CELF2: variants seen among roughly 807,000 people sequenced by gnomAD.
The protein encoded by CELF2 is CUG triplet repeat RNA-binding protein 2.
CELF2 carries 8 observed loss-of-function variants against 62.6 expected under a neutral mutation model. The ratio of observed to expected loss-of-function variants is 0.13; its 90% CI spans 0.07 to 0.23. The LOEUF is 0.23. CELF2 is among the 10% of genes least tolerant of loss of function. The pLI, the probability that CELF2 is intolerant of heterozygous loss-of-function variation, is 1.00. For missense variants in CELF2, 333 were observed against 671.0 expected (o/e 0.50, Z 5.56); for synonymous variants, 258 against 250.0 (o/e 1.03, Z -0.30).
the CELF2 span, among the ~76,000 whole-genome samples, chr10:10,683,541 T>C: frequency 6.6e-6 from 1 of 152,202 alleles, no homozygotes; most frequent in African/African-American, 2.4e-5. Context: ...GATTTCTGAT[T>C]ACAGACAGGC....
chr10:10,825,452 T>C (rs917158346), intron 1 of CELF2, among the ~76,000 whole-genome samples: 1 of 152,066 alleles, frequency 6.6e-6, no homozygotes, highest in Non-Finnish European at 1.5e-5. Flanking sequence ...CCTTGTGATC[T>C]GTCCACCTCG....
chr10:10,525,229 T>C, the CELF2 span, among the ~76,000 whole-genome samples: 1 of 152,178 alleles, frequency 6.6e-6, no homozygotes, highest in Middle Eastern at 3.2e-3. Context: ...AGCTCCACAG[T>C]TCATTCTTCC....
chr10:11,306,078 A>C lies in CELF2; in HGVS notation c.977-8061A>C, dbSNP rs780366146. ...TGATTGATAGGTTTTAACCAGTGGT[A>C]CAACAGGCTTAAAATGTGACGTATC... On this transcript the variant is annotated intron_variant, in intron 9 of 12. Coordinates refer to ENST00000633077, the MANE Select transcript of CELF2 (RefSeq NM_001326342.2). This position sits in a 1 kb window ranked among gnomAD's most constrained non-coding sequence, Gnocchi z 4.4. Among the ~76,000 whole-genome samples the C allele has an allele frequency of 8.5e-5, 13 of 152,210 alleles. No homozygotes were observed. The highest frequency in any genetic ancestry group is 1.5e-4 in the Non-Finnish European group (10 of 68,042).
Position 11,244,701 on chromosome 10 carries a change from C to T in CELF2, c.355-4452C>T, listed in dbSNP as rs530015792. 6.6e-6 allele frequency among the ~76,000 whole-genome samples: 1 copy of T among 151,832 alleles called. No individual in the cohort carries two copies. Among genetic ancestry groups the T allele is most frequent in the East Asian group, 1.9e-4 (1 of 5,170 alleles). Reference sequence around the variant, plus strand: ...ATAAAAACAACAACAACTTCCGTTGCTTCCTCTGTTGGTTAGGATATCGTA... The same window carrying T: ...ATAAAAACAACAACAACTTCCGTTGTTTCCTCTGTTGGTTAGGATATCGTA... On this transcript the variant is annotated intron_variant, in intron 3 of 12. Transcript: ENST00000633077. The surrounding 1 kb of genome is among the most constrained non-coding windows in gnomAD (Gnocchi z 4.2).
the CELF2 span, among the ~76,000 whole-genome samples, chr10:10,547,804 G>A: frequency 1.2e-4 from 18 of 151,528 alleles, no homozygotes; most frequent in African/African-American, 4.4e-4. Context: ...GTATCGGGCT[G>A]GTTTTTATTC....
At chr10:11,049,558 TAAAAAAAAAAA>T (rs368708381) in intron 1 of CELF2, among the ~76,000 whole-genome samples, 2 of 96,898 alleles carry the variant, frequency 2.1e-5, no homozygotes, top group Non-Finnish European at 4.0e-5. Flanking sequence ...CTTTCTTTAG[TAAAAAAAAAAA>T]AAAAAAAAAA....
the CELF2 span, among the ~76,000 whole-genome samples, chr10:10,663,202 G>A: frequency 6.6e-6 from 1 of 152,174 alleles, no homozygotes. Context: ...ATATTGTGAG[G>A]AGGAACTTGC....
chr10:10,708,991 G>T, the CELF2 span, among the ~76,000 whole-genome samples: 1 of 152,086 alleles, frequency 6.6e-6, no homozygotes, highest in Non-Finnish European at 1.5e-5. Flanking sequence ...TCTGGCCTGT[G>T]GTCTTTAAGC....
the CELF2 span, among the ~76,000 whole-genome samples, chr10:10,560,602 C>G: frequency 1.3e-5 from 2 of 152,078 alleles, no homozygotes; most frequent in African/African-American, 4.8e-5. Flanking sequence ...CTATGGAAAA[C>G]AGTATGGAGA....
the CELF2 span, among the ~76,000 whole-genome samples, chr10:10,563,647 A>T: frequency 6.7e-6 from 1 of 148,976 alleles, no homozygotes; most frequent in Non-Finnish European, 1.5e-5. Flanking sequence ...GAAGATAGAG[A>T]TTCTAAGAAA....
At position 10,845,723 on chromosome 10, in the gene CELF2, G is replaced by C. The variant is rs532189457; in HGVS notation, c.53+46906G>C. ...TGTATCAGTTATACAGAAAAAATAA[G>C]TTTCATAACCAAACTGTTGTACATG... On this transcript the variant is annotated intron_variant, in intron 1 of 13. Coordinates refer to the CELF2 transcript ENST00000636488. Among the ~76,000 whole-genome samples, 9 of 152,218 alleles carry C rather than the reference G, an allele frequency of 5.9e-5. 1 individual carries two copies. In the South Asian group the frequency reaches 1.9e-3, roughly 32 times the overall value.
intron 10 of CELF2, chr10:11,320,875 T>A: frequency 6.5e-7 from 1 of 1,546,382 alleles, no homozygotes; most frequent in Non-Finnish European, 8.7e-7. Context: ...AGCAAAAGGC[T>A]TTTACTTCCA....
the CELF2 span, among the ~76,000 whole-genome samples, chr10:10,718,838 T>C: frequency 1.3e-5 from 2 of 152,100 alleles, no homozygotes; most frequent in Admixed American, 6.6e-5. Context: ...GATTATTCTC[T>C]ATACCAATTC....
chr10:10,474,970 C>A, the CELF2 span, among the ~76,000 whole-genome samples: 1 of 152,034 alleles, frequency 6.6e-6, no homozygotes, highest in Non-Finnish European at 1.5e-5. Context: ...GTTCTTAACA[C>A]AGAGGTCAAT....
intron 1 of CELF2, among the ~76,000 whole-genome samples, chr10:11,091,529 A>G (rs1053802515): frequency 3.3e-5 from 5 of 152,166 alleles, no homozygotes; most frequent in Non-Finnish European, 7.3e-5. Flanking sequence ...CTCATTTTTT[A>G]AAGACAGGGT....
intron 4 of CELF2, among the ~76,000 whole-genome samples, chr10:11,250,085 T>G (rs1450035629): frequency 2.0e-5 from 3 of 152,230 alleles, no homozygotes; most frequent in Admixed American, 2.0e-4. Flanking sequence ...GCTCTAAATC[T>G]CTCCACAAGG....
chr10:10,632,261 T>C, the CELF2 span, among the ~76,000 whole-genome samples: 2 of 151,878 alleles, frequency 1.3e-5, no homozygotes, highest in Non-Finnish European at 1.5e-5. Flanking sequence ...ATGCAAAGAG[T>C]TGGGGAGCCA....
the CELF2 span, among the ~76,000 whole-genome samples, chr10:10,511,621 T>C: frequency 6.6e-6 from 1 of 152,144 alleles, no homozygotes; most frequent in Admixed American, 6.5e-5. Context: ...GTATGTGTAG[T>C]GGATATCAGT....
rs117419718 is a variant in CELF2, at chr10:10,953,209, T to C, written c.89+33210T>C. The stretch of plus-strand genomic sequence containing the variant: ...TTTAAAGCATTGAAAATCAAGGAGA[T>C]AGGATGCCCACAAAAGAGAATTCCG... On this transcript the variant is annotated intron_variant, in intron 2 of 13. Coordinates refer to the CELF2 transcript ENST00000636488. Among the ~76,000 whole-genome samples the C allele has an allele frequency of 6.4e-3, 977 of 152,254 alleles. 4 individuals are homozygous for C. Among genetic ancestry groups the C allele is most frequent in the Non-Finnish European group, 0.01 (710 of 68,002 alleles).
Sources: gnomAD v4.1 joint callset for allele counts (sites outside exome capture counted in the v4.1 genomes callset) on GRCh38, gnomAD v4.1.1 for gene constraint, Gnocchi (gnomAD v3.1) non-coding constraint, MANE v1.5 for transcripts, NCBI Gene and HGNC (gene_info 2026-07-23, HGNC 2026-07-21) for gene names.